Variants in SLCO3A1 observed in about 807,000 individuals in gnomAD.
The protein encoded by SLCO3A1 is solute carrier organic anion transporter family member 3A1, also known as PGE1 transporter.
A neutral mutation model predicts 63.1 loss-of-function variants in SLCO3A1; 27 were observed. The ratio of observed to expected loss-of-function variants is 0.43; its 90% confidence interval spans 0.32 to 0.59. The LOEUF is 0.59. Among genes scored for constraint, SLCO3A1 ranks in the 20% least tolerant of loss-of-function variants. The probability of loss-of-function intolerance (pLI) is 0.09; values close to 1 mark genes in which losing one functional copy is unlikely to be tolerated. For synonymous variants in SLCO3A1, 473 were observed against 409.9 expected, an observed-to-expected ratio of 1.15 and a Z score of -1.86; for missense variants, 773 against 945.8, an observed-to-expected ratio of 0.82 and a Z score of 2.40.
At chr15:91,879,751 A>G (rs544744084) in intron 1 of SLCO3A1, among the ~76,000 whole-genome samples, 4 of 152,328 alleles carry the variant, frequency 2.6e-5, no homozygotes, top group East Asian at 3.9e-4. Context: ...GTTTTCTTCT[A>G]TAGAGATACT....
At chr15:91,947,005 A>G (rs150724708) in intron 2 of SLCO3A1, among the ~76,000 whole-genome samples, 3 of 152,234 alleles carry the variant, frequency 2.0e-5, no homozygotes, top group Non-Finnish European at 4.4e-5. Flanking sequence ...GGACTCTTCC[A>G]TCCCCAGTCA....
intron 9 of SLCO3A1, among the ~76,000 whole-genome samples, chr15:92,158,682 G>A (rs912448814): frequency 9.2e-5 from 14 of 152,290 alleles, no homozygotes; most frequent in African/African-American, 2.2e-4. Context: ...GGGGCTGGGC[G>A]TGAAAATGAG....
At chr15:92,012,163 A>G (rs1178916512) in intron 2 of SLCO3A1, among the ~76,000 whole-genome samples, 3 of 152,234 alleles carry the variant, frequency 2.0e-5, no homozygotes, top group Admixed American at 1.3e-4. Context: ...AGTGCCGTTT[A>G]TTGCATGAGT....
At chr15:91,953,603 G>A (rs751874361) in intron 2 of SLCO3A1, among the ~76,000 whole-genome samples, 41 of 152,312 alleles carry the variant, frequency 2.7e-4, no homozygotes, top group African/African-American at 7.9e-4. Flanking sequence ...AGGGAACTGC[G>A]CGAAGCCTGG....
At position 91,875,709 on chromosome 15, in the gene SLCO3A1, A is replaced by C. The variant is rs1305429267; in HGVS notation, c.180+21621A>C. 6.6e-6 allele frequency among the ~76,000 whole-genome samples: 1 copy of C among 152,244 alleles called. No individual in the cohort carries two copies. Among genetic ancestry groups the C allele is most frequent in the East Asian group, 1.9e-4 (1 of 5,202 alleles). On this transcript the variant is annotated intron_variant, in intron 1 of 9. Transcript: ENST00000318445. The surrounding 1 kb of genome is among the most constrained non-coding windows in gnomAD (Gnocchi z 4.5). ...CAATAGAGAAACACAGGATGACTGAAAATCAGGTAATAAACATGAAGCAGT... is the reference window on the plus strand; with the variant it reads ...CAATAGAGAAACACAGGATGACTGACAATCAGGTAATAAACATGAAGCAGT...
At chr15:91,991,508 C>G (rs1002301018) in intron 2 of SLCO3A1, among the ~76,000 whole-genome samples, 7 of 152,340 alleles carry the variant, frequency 4.6e-5, no homozygotes, top group African/African-American at 1.7e-4. Context: ...TGATTTAGAA[C>G]ATCTGGCTCA....
At chr15:91,963,329 T>G (rs1012847770) in intron 2 of SLCO3A1, among the ~76,000 whole-genome samples, 16 of 144,974 alleles carry the variant, frequency 1.1e-4, no homozygotes, top group South Asian at 8.6e-4. Context: ...ACAGTTATTA[T>G]GGAGGCTACC....
At position 92,047,558 on chromosome 15, in the gene SLCO3A1, A is replaced by AT. The variant is rs1491275685; in HGVS notation, c.647-47323_647-47322insT. 1.4e-3 allele frequency among the ~76,000 whole-genome samples: 15 copies of AT among 10,802 alleles called. 3 individuals carry two copies. Among genetic ancestry groups the AT allele is most frequent in the African/African-American group, 0.01 (11 of 1,070 alleles). The allele number at this position is 10,802 out of a possible 152,430, so 7.1% of individuals were successfully genotyped here. On this transcript the variant is annotated intron_variant, in intron 2 of 9. Coordinates refer to ENST00000318445, the MANE Select transcript of SLCO3A1 (RefSeq NM_013272.4). ...AAATATATATAATATATAAATATAT[A>AT]AATATATATATAAATATATATATAA... is the stretch of plus-strand genomic sequence containing the variant.
intron 2 of SLCO3A1, among the ~76,000 whole-genome samples, chr15:91,984,667 G>A (rs1005676829): frequency 7.2e-5 from 11 of 152,186 alleles, no homozygotes; most frequent in Non-Finnish European, 1.0e-4. Context: ...TACTAGCCCT[G>A]ATGGCTTTAT....
intron 2 of SLCO3A1, among the ~76,000 whole-genome samples, chr15:92,032,674 G>T (rs73536124): frequency 0.013 from 1,986 of 152,214 alleles, 49 homozygotes; most frequent in African/African-American, 0.045. Context: ...GTTGGAGTGG[G>T]CAGCATCTTG....
intron 2 of SLCO3A1, among the ~76,000 whole-genome samples, chr15:91,921,737 T>TA (rs56129709): frequency 6.8e-6 from 1 of 146,726 alleles, no homozygotes; most frequent in Non-Finnish European, 1.5e-5. Context: ...TTTTTTTTTT[T>TA]ATTCTTTTTT....
chr15:92,023,416 A>G (rs1041431881), intron 2 of SLCO3A1, among the ~76,000 whole-genome samples: 7 of 152,172 alleles, frequency 4.6e-5, no homozygotes, highest in African/African-American at 1.7e-4. Context: ...CTATATGAGA[A>G]GAAAACTGGA....
rs1399509827 is a variant in SLCO3A1, at chr15:91,905,604, A to G, written c.181-10389A>G. The stretch of plus-strand genomic sequence containing the variant: ...TGTGGAAATGGATGGCAGCCTGTAT[A>G]TATGTTTTCAAGGGATGCTTAGTTT... On this transcript the variant is annotated intron_variant, in intron 1 of 9. Coordinates refer to ENST00000318445, the MANE Select transcript of SLCO3A1 (RefSeq NM_013272.4). Among the ~76,000 whole-genome samples, 9 of 149,330 alleles carry G rather than the reference A, an allele frequency of 6.0e-5. No homozygotes were observed. The Middle Eastern group carries it at 0.011, about 175-fold the overall frequency.
intron 7 of SLCO3A1, among the ~76,000 whole-genome samples, chr15:92,136,417 C>T (rs747824060): frequency 2.0e-5 from 3 of 152,078 alleles, no homozygotes; most frequent in Non-Finnish European, 4.4e-5. Flanking sequence ...CTTGTAATAC[C>T]GGCTGTCAAA....
exon 11 of SLCO3A1, chr15:92,171,901 AC>A (rs2048523745): frequency 6.8e-7 from 1 of 1,464,612 alleles, no homozygotes; most frequent in African/African-American, 1.4e-5. Context: ...AGAACAGCCC[AC>A]CACCACCCAC....
chr15:91,969,236 A>G (rs914961952), intron 2 of SLCO3A1, among the ~76,000 whole-genome samples: 1 of 152,134 alleles, frequency 6.6e-6, no homozygotes, highest in African/African-American at 2.4e-5. Context: ...AGAATATCTG[A>G]CTACTACATG....
At position 92,143,397 on chromosome 15, in the gene SLCO3A1, A is replaced by ATG. The variant is rs2048164296; in HGVS notation, c.1513-3586_1513-3585insGT. Among the ~76,000 whole-genome samples, 6 of 2,152 alleles carry ATG rather than the reference A, an allele frequency of 2.8e-3. 3 individuals carry two copies. The African/African-American group carries it at 0.036, about 13-fold the overall frequency. The allele number at this position is 2,152 out of a possible 152,430, so 1.4% of individuals were successfully genotyped here. On this transcript the variant is annotated intron_variant, in intron 7 of 9. Transcript: ENST00000318445. The stretch of plus-strand genomic sequence containing the variant: ...ATAATATATATAATATATATATTAT[A>ATG]TAATATATATAATATATATATTATA...
chr15:92,022,661 A>G (rs1464768417), intron 2 of SLCO3A1, among the ~76,000 whole-genome samples: 1 of 152,234 alleles, frequency 6.6e-6, no homozygotes, highest in African/African-American at 2.4e-5. Context: ...CACAGGGTAC[A>G]GCAAGTCTGC....
chr15:92,143,268 G>A (rs1438629432), intron 7 of SLCO3A1, among the ~76,000 whole-genome samples: 3 of 134,578 alleles, frequency 2.2e-5, no homozygotes, highest in South Asian at 4.7e-4. Flanking sequence ...AAGATGGATG[G>A]TTGCAAGTAG....
Sources: gnomAD v4.1 joint callset for allele counts (sites outside exome capture counted in the v4.1 genomes callset) on GRCh38, gnomAD v4.1.1 for gene constraint, Gnocchi (gnomAD v3.1) non-coding constraint, MANE v1.5 for transcripts, NCBI Gene and HGNC (gene_info 2026-07-23, HGNC 2026-07-21) for gene names.